Variants in DLG5 observed in about 807,000 individuals in gnomAD.
DLG5 encodes the protein discs large MAGUK scaffold protein 5, also known as disks large homolog 5.
DLG5 carries 48 observed loss-of-function variants against 189.8 expected under a neutral mutation model. The observed-to-expected ratio is 0.25, with a 90% CI of 0.20 to 0.32. The LOEUF is 0.32. Among genes scored for constraint, DLG5 ranks in the 10% least tolerant of loss-of-function variants. The pLI, the probability that DLG5 is intolerant of heterozygous loss-of-function variation, is 1.00. For missense variants in DLG5, 2,160 were observed against 2,544.7 expected (o/e 0.85, Z 3.25); for synonymous variants, 1,016 against 1,054.1 (o/e 0.96, Z 0.70).
chr10:77,881,895 CG>C (rs1486761316), intron 1 of DLG5, among the ~76,000 whole-genome samples: 2 of 152,146 alleles, frequency 1.3e-5, no homozygotes, highest in Non-Finnish European at 2.9e-5. Context: ...CTTCACAGGT[CG>C]GGGACATTCT....
At chr10:77,878,785 G>T (rs747256642) in intron 1 of DLG5, among the ~76,000 whole-genome samples, 11 of 152,066 alleles carry the variant, frequency 7.2e-5, no homozygotes, top group Non-Finnish European at 1.5e-4. Context: ...GGTTCACAAA[G>T]AAAAAACCAG....
chr10:77,805,870 C>T lies in DLG5; in HGVS notation c.4968-9G>A, dbSNP rs911568082. ...AGAATTCTTGGTCCATCCTGTGGCA[C>T]AGGGGACAATGCTGGGCAGGGCCAT... On this transcript the variant is annotated splice_polypyrimidine_tract_variant and intron_variant, in intron 26 of 31. Transcript: ENST00000372391. 3 of 1,609,514 alleles carry T rather than the reference C, an allele frequency of 1.9e-6. No homozygotes were observed. The highest frequency in any genetic ancestry group is 2.5e-6 in the Non-Finnish European group (3 of 1,176,610).
intron 1 of DLG5, among the ~76,000 whole-genome samples, chr10:77,892,531 G>C (rs909631591): frequency 6.6e-6 from 1 of 152,224 alleles, no homozygotes; most frequent in Non-Finnish European, 1.5e-5. Flanking sequence ...AAGTAGTCCA[G>C]TGCCCCATTT....
chr10:77,867,894 GC>G (rs1220821303), intron 2 of DLG5: 1 of 455,980 alleles, frequency 2.2e-6, no homozygotes, highest in African/African-American at 2.0e-5. Flanking sequence ...AGGCTCCTAG[GC>G]CAATCTGACC....
intron 7 of DLG5, among the ~76,000 whole-genome samples, chr10:77,837,569 T>G (rs931873921): frequency 1.3e-5 from 2 of 152,180 alleles, no homozygotes; most frequent in Non-Finnish European, 2.9e-5. Context: ...GTACTATACT[T>G]AGTTTTAGTG....
intron 1 of DLG5, chr10:77,912,231 A>G (rs2131839577): frequency 7.0e-6 from 1 of 142,068 alleles, no homozygotes; most frequent in African/African-American, 2.6e-5. Context: ...AAAAAGGTTA[A>G]TTTTTCTATT....
intron 12 of DLG5, 31 bp from the exon 13 acceptor site, chr10:77,829,016 C>A (rs1842778624): frequency 1.2e-6 from 2 of 1,604,884 alleles, no homozygotes; most frequent in Non-Finnish European, 1.7e-6. Flanking sequence ...CTGGGTAGCC[C>A]CTGGCCTCGC....
At chr10:77,836,149 C>T (rs1029937920) in intron 7 of DLG5, among the ~76,000 whole-genome samples, 1 of 152,102 alleles carries the variant, frequency 6.6e-6, no homozygotes, top group Non-Finnish European at 1.5e-5. Flanking sequence ...TATAATCTGG[C>T]ATACTGAGTT....
rs149500403 is a variant in DLG5 at position 77,922,612 on chromosome 10, G to A, written c.304+3605C>T. Among the ~76,000 whole-genome samples the A allele has an allele frequency of 4.1e-3, 629 of 152,218 alleles. 3 individuals carry two copies. Among genetic ancestry groups the A allele is most frequent in the African/African-American group, 0.014 (592 of 41,548 alleles). On this transcript the variant is annotated intron_variant, in intron 1 of 31. Coordinates refer to ENST00000372391, the MANE Select transcript of DLG5 (RefSeq NM_004747.4). ...AAAACCACCCCAGACAAGGAATCAG[G>A]GGCACTGGGCTTGGCCTTGACTCAG...
intron 1 of DLG5, among the ~76,000 whole-genome samples, chr10:77,911,130 T>C (rs1019098247): frequency 3.3e-5 from 5 of 152,064 alleles, no homozygotes; most frequent in Non-Finnish European, 7.4e-5. Flanking sequence ...AAGTGTTTTA[T>C]TGATTGATTG....
chr10:77,832,804 C>T (rs1394288777), intron 9 of DLG5, among the ~76,000 whole-genome samples: 2 of 152,196 alleles, frequency 1.3e-5, no homozygotes, highest in Non-Finnish European at 2.9e-5. Flanking sequence ...GAAGAGAACC[C>T]CTTGATTCCA....
At chr10:77,833,094 A>C (rs961796142) in intron 9 of DLG5, among the ~76,000 whole-genome samples, 3 of 152,248 alleles carry the variant, frequency 2.0e-5, no homozygotes, top group African/African-American at 7.2e-5. Context: ...ATGTCGCACA[A>C]TGGATGGAGA....
At position 77,850,707 on chromosome 10, in the gene DLG5, G is replaced by A. The variant is rs139164022; in HGVS notation, c.864+2647C>T. 2.0e-3 allele frequency among the ~76,000 whole-genome samples: 299 copies of A among 152,278 alleles called. 1 individual carries two copies. Among genetic ancestry groups the A allele is most frequent in the African/African-American group, 6.8e-3 (284 of 41,554 alleles). On this transcript the variant is annotated intron_variant, in intron 5 of 31. Coordinates refer to ENST00000372391, the MANE Select transcript of DLG5 (RefSeq NM_004747.4). ...GCAGATTTAAACCCAGACTTGACAG[G>A]ATTAGAATAATATCATTAACGACCA...
rs1239085672 is a variant in DLG5 at position 77,792,103 on chromosome 10, T to C, written c.*337A>G. On this transcript the variant is annotated 3_prime_UTR_variant, in exon 32 of 32. Transcript: ENST00000372391. ...GTTCAAGTAAACATAAACCACCAAA[T>C]ACTTAGAAAAGGCTTGTAAACGAGT... The C allele has an allele frequency of 6.7e-6, 2 of 299,616 alleles. No homozygotes were observed. The highest frequency in any genetic ancestry group is 6.2e-6 in the Non-Finnish European group (1 of 160,912). 18.6% of individuals were successfully genotyped at this position (299,616 alleles called of 1,614,324 possible). A position where few individuals can be genotyped will look rare whatever the true frequency, so the allele number is the denominator to read the frequency against.
At chr10:77,805,973 C>T in intron 26 of DLG5, 112 bp from the exon 27 acceptor site, 2 of 1,043,480 alleles carry the variant, frequency 1.9e-6, no homozygotes, top group South Asian at 1.6e-5. Flanking sequence ...GCTCCCCCCA[C>T]ACTCCTTGGC....
chr10:77,817,110 A>C lies in DLG5; in HGVS notation c.3785-14T>G, dbSNP rs1842097810. On this transcript the variant is annotated splice_polypyrimidine_tract_variant and intron_variant, in intron 18 of 31. Coordinates refer to ENST00000372391, the MANE Select transcript of DLG5 (RefSeq NM_004747.4). ...TACTCGAAGAACCTATTGTTCCATA[A>C]GGGAACAAAACTTCAGGCCTCATGG... 2.5e-6 allele frequency: 4 copies of C among 1,613,840 alleles called. No homozygotes were observed. In the African/African-American group the frequency reaches 4.0e-5, roughly 16 times the overall value.
rs376363001 is a variant in DLG5, at chr10:77,814,167, A to G, written c.4026-1790T>C. ...TAATTTTTGTATTTTTAGTAGAGAC[A>G]GGGTTTCACCATGTTGGCCAGGCTG... On this transcript the variant is annotated intron_variant, in intron 20 of 31. Transcript: ENST00000372391. Among the ~76,000 whole-genome samples the G allele has an allele frequency of 3.9e-5, 6 of 151,908 alleles. No individual in the cohort carries two copies. The South Asian group carries it at 1.3e-3, about 32-fold the overall frequency.
At chr10:77,890,538 C>G (rs760542165) in intron 1 of DLG5, among the ~76,000 whole-genome samples, 30 of 152,222 alleles carry the variant, frequency 2.0e-4, no homozygotes, top group Non-Finnish European at 3.5e-4. Flanking sequence ...ACTTTACGGC[C>G]GGGCACGGTG....
rs1251074817 is a variant in DLG5 at position 77,853,525 on chromosome 10, G to A, written c.693C>T (p.Ser231=). The A allele has an allele frequency of 1.2e-6, 2 of 1,602,514 alleles. No individual in the cohort carries two copies. The highest frequency in any genetic ancestry group is 4.5e-5 in the East Asian group (2 of 44,770). The part of the protein sequence containing the change: ...KETDFYHTLH[S]RLLSDQTRLK... ...GCCGAGTCTGGTCACTCAGGAGCCG[G>A]CTGTGGAGTGTGCTGAAACACCCGG... The change falls in exon 5 of 32, where the codon AGC becomes AGT. Residue 231 remains serine (S), a synonymous_variant. Coordinates refer to ENST00000372391, the MANE Select transcript of DLG5 (RefSeq NM_004747.4).
Sources: gnomAD v4.1 joint callset for allele counts (sites outside exome capture counted in the v4.1 genomes callset) on GRCh38, gnomAD v4.1.1 for gene constraint, MANE v1.5 for transcripts, NCBI Gene and HGNC (gene_info 2026-07-23, HGNC 2026-07-21) for gene names.